Variants in MAN1C1 observed in about 807,000 individuals in gnomAD.
MAN1C1 encodes mannosyl-oligosaccharide 1,2-alpha-mannosidase IC.
In MAN1C1, 49 loss-of-function variants were observed where a neutral mutation model predicts 71.5. That is an observed-to-expected ratio of 0.69 (90% CI 0.54 to 0.87). MAN1C1 has a LOEUF of 0.87. Ranked by LOEUF, MAN1C1 falls within the 40% of genes least tolerant of loss-of-function variation. The probability of loss-of-function intolerance (pLI) is 0.00; values close to 1 mark genes in which losing one functional copy is unlikely to be tolerated. For missense variants in MAN1C1, 743 were observed against 835.0 expected (o/e 0.89, Z 1.36); for synonymous variants, 352 against 343.7 (o/e 1.02, Z -0.27).
At chr1:25,757,387 C>T (rs999810406) in intron 5 of MAN1C1, among the ~76,000 whole-genome samples, 11 of 152,220 alleles carry the variant, frequency 7.2e-5, no homozygotes, top group Non-Finnish European at 1.6e-4. Context: ...GTCACACCAC[C>T]CTGCTCTGCC....
In MAN1C1 at chr1:25,617,249, G is replaced by C. The variant is rs2045113217; in HGVS notation, c.-549G>C. On this transcript the variant is annotated 5_prime_UTR_variant, in exon 1 of 12. Coordinates refer to ENST00000374332, the MANE Select transcript of MAN1C1 (RefSeq NM_020379.4). This position sits in a 1 kb window ranked among gnomAD's most constrained non-coding sequence, Gnocchi z 5.1. The stretch of plus-strand genomic sequence containing the variant: ...GCCCGGGCGCTGTCGCGACCGGGCC[G>C]GGTGTGCGCGCGCTCGGGGCGGCGC... Among the ~76,000 whole-genome samples the C allele has an allele frequency of 6.6e-6, 1 of 151,926 alleles. No homozygotes were observed. The highest frequency in any genetic ancestry group is 6.5e-5 in the Admixed American group (1 of 15,270).
intron 1 of MAN1C1, among the ~76,000 whole-genome samples, chr1:25,642,348 A>G: frequency 6.6e-6 from 1 of 152,200 alleles, no homozygotes; most frequent in East Asian, 1.9e-4. Flanking sequence ...AAAGAGCCTA[A>G]CCCAGTCCCA....
chr1:25,755,892 C>G (rs564843651), intron 5 of MAN1C1, among the ~76,000 whole-genome samples: 3 of 152,284 alleles, frequency 2.0e-5, no homozygotes, highest in South Asian at 4.1e-4. Context: ...TCCTGCTGGC[C>G]CATTGGCTCA....
chr1:25,661,426 G>A (rs1200497783), intron 1 of MAN1C1, among the ~76,000 whole-genome samples: 1 of 152,250 alleles, frequency 6.6e-6, no homozygotes, highest in Admixed American at 6.5e-5. Flanking sequence ...AAATAAATAT[G>A]TTAACGGCAT....
In MAN1C1 at chr1:25,618,091, C is replaced by A. The variant is rs1464462970; in HGVS notation, c.294C>A (p.Ser98Arg). The A allele has an allele frequency of 3.3e-6, 5 of 1,519,238 alleles. No individual in the cohort carries two copies. The African/African-American group carries it at 5.7e-5, about 17-fold the overall frequency. 94.1% of individuals were successfully genotyped at this position (1,519,238 alleles called of 1,614,324 possible). A position where few individuals can be genotyped will look rare whatever the true frequency, so the allele number is the denominator to read the frequency against. ...APAPGEDDPS[S>R]WASPRRRKGG... The stretch of plus-strand genomic sequence containing the variant: ...CCCCGGGCGAGGATGACCCCAGCAG[C>A]TGGGCCAGTCCCCGCCGCAGGAAAG... Residue 98 changes from serine (S) to arginine (R), a missense_variant, in exon 1 of 12, where the codon AGC becomes AGA. Physicochemically the swap from Ser to Arg is moderately radical, Grantham distance 110. Transcript: ENST00000374332.
At chr1:25,760,420 G>A (rs2047345332) in intron 6 of MAN1C1, 1 of 152,258 alleles carries the variant, frequency 6.6e-6, no homozygotes, top group African/African-American at 2.4e-5. Flanking sequence ...GTCTATCTCT[G>A]TCTCCTCTAC....
chr1:25,665,714 C>A (rs1218632782), intron 1 of MAN1C1, among the ~76,000 whole-genome samples: 1 of 152,120 alleles, frequency 6.6e-6, no homozygotes, highest in African/African-American at 2.4e-5. Flanking sequence ...TCTGTGAAGT[C>A]AGGTTATTTC....
At chr1:25,716,393 C>T (rs1431570930) in intron 2 of MAN1C1, among the ~76,000 whole-genome samples, 1 of 152,176 alleles carries the variant, frequency 6.6e-6, no homozygotes, top group African/African-American at 2.4e-5. Context: ...AGTACAGTGG[C>T]ATGATCTCGG....
intron 3 of MAN1C1, among the ~76,000 whole-genome samples, chr1:25,748,861 C>T (rs1014109337): frequency 6.6e-6 from 1 of 152,182 alleles, no homozygotes; most frequent in Non-Finnish European, 1.5e-5. Flanking sequence ...TGCTGTCTTC[C>T]TGCTGAGCCT....
rs397862845 is a variant in MAN1C1, at chr1:25,720,205, CT to C, written c.638-26452del. ...GTATATTCAAATATATATTCAAATCCTTTTTTTTTTTCTTAATTTTTTTCAA... is the reference window on the plus strand; with the variant it reads ...GTATATTCAAATATATATTCAAATCCTTTTTTTTTTCTTAATTTTTTTCAA... On this transcript the variant is annotated intron_variant, in intron 2 of 11. Coordinates refer to ENST00000374332, the MANE Select transcript of MAN1C1 (RefSeq NM_020379.4). Among the ~76,000 whole-genome samples, 119 of 147,372 alleles carry C rather than the reference CT, an allele frequency of 8.1e-4. 1 individual carries two copies. The highest frequency in any genetic ancestry group is 2.3e-3 in the African/African-American group (91 of 40,268).
intron 1 of MAN1C1, among the ~76,000 whole-genome samples, chr1:25,674,866 C>T (rs2046042548): frequency 6.6e-6 from 1 of 152,076 alleles, no homozygotes; most frequent in South Asian, 2.1e-4. Flanking sequence ...AATAACCACC[C>T]TGGCTGCAAT....
At chr1:25,669,670 C>G (rs563808414) in intron 1 of MAN1C1, among the ~76,000 whole-genome samples, 1 of 152,248 alleles carries the variant, frequency 6.6e-6, no homozygotes, top group Admixed American at 6.5e-5. Context: ...GTCCCAGCTA[C>G]TAGGGAGGCT....
chr1:25,761,403 T>C (rs1015067824), intron 6 of MAN1C1: 7 of 152,102 alleles, frequency 4.6e-5, no homozygotes, highest in Non-Finnish European at 1.0e-4. Context: ...TTAACTGTTT[T>C]TTAAATGGCC....
At chr1:25,619,395 C>T (rs2045170833) in intron 1 of MAN1C1, among the ~76,000 whole-genome samples, 1 of 152,210 alleles carries the variant, frequency 6.6e-6, no homozygotes, top group South Asian at 2.1e-4. Flanking sequence ...CAGTTCGACC[C>T]TGATTTCCAG....
intron 1 of MAN1C1, among the ~76,000 whole-genome samples, chr1:25,684,953 C>A (rs1454634204): frequency 6.6e-6 from 1 of 152,230 alleles, no homozygotes; most frequent in Non-Finnish European, 1.5e-5. Context: ...CCTGCTGAAT[C>A]AAAAACTCAG....
intron 1 of MAN1C1, among the ~76,000 whole-genome samples, chr1:25,633,934 A>T (rs1392022906): frequency 4.0e-5 from 6 of 151,214 alleles, no homozygotes; most frequent in Non-Finnish European, 7.4e-5. Flanking sequence ...AATATTTAGA[A>T]CTCCTTTTAG....
In MAN1C1 at chr1:25,782,636, G is replaced by A. The variant is rs1200486051; in HGVS notation, c.1702G>A (p.Val568Met). The A allele has an allele frequency of 7.4e-6, 12 of 1,613,952 alleles. No individual in the cohort carries two copies. The highest frequency in any genetic ancestry group is 2.2e-5 in the South Asian group (2 of 91,088). ...AGCCGGTTTCTCTGGGATCCAAGAC[G>A]TGTACAGTAGCACCCCCAACCACGA... ...TEAGFSGIQD[V>M]YSSTPNHDNK... is the part of the protein sequence containing the mutation. The change falls in exon 11 of 12, where the codon GTG (valine) becomes ATG (methionine). Residue 568 changes from valine (V) to methionine (M), a missense_variant. Coordinates refer to ENST00000374332, the MANE Select transcript of MAN1C1 (RefSeq NM_020379.4). The surrounding 1 kb of genome is among the most constrained non-coding windows in gnomAD (Gnocchi z 4.4).
At chr1:25,748,437 T>C (rs1557790820) in intron 3 of MAN1C1, among the ~76,000 whole-genome samples, 1 of 152,044 alleles carries the variant, frequency 6.6e-6, no homozygotes, top group East Asian at 1.9e-4. Context: ...GCAAGGAGGG[T>C]GACAACAGGC....
In MAN1C1 at chr1:25,784,061, A is replaced by G. The variant is rs2047734980; in HGVS notation, c.*272A>G. 5.3e-6 allele frequency: 2 copies of G among 374,566 alleles called. No individual in the cohort carries two copies. Among genetic ancestry groups the G allele is most frequent in the African/African-American group, 2.0e-5 (1 of 49,286 alleles). The allele number at this position is 374,566 out of a possible 1,614,324, so 23.2% of individuals were successfully genotyped here. On this transcript the variant is annotated 3_prime_UTR_variant, in exon 12 of 12. Coordinates refer to ENST00000374332, the MANE Select transcript of MAN1C1 (RefSeq NM_020379.4). ...TCACTTGCCATTCCAGGGCCAAAGG[A>G]CCGGAGGTTTGCATATCCGCCCCTT...
Sources: gnomAD v4.1 joint callset for allele counts (sites outside exome capture counted in the v4.1 genomes callset) on GRCh38, gnomAD v4.1.1 for gene constraint, Gnocchi (gnomAD v3.1) non-coding constraint, MANE v1.5 for transcripts, NCBI Gene and HGNC (gene_info 2026-07-23, HGNC 2026-07-21) for gene names.